The following FIGN variants were observed in gnomAD, a reference collection of about 807,000 sequenced individuals.
FIGN encodes the protein fidgetin, microtubule severing factor, also known as fidgetin.
FIGN carries 11 observed loss-of-function variants against 51.3 expected under a neutral mutation model. The ratio of observed to expected loss-of-function variants is 0.21; its 90% confidence interval spans 0.13 to 0.35. The LOEUF (loss-of-function observed/expected upper bound fraction) is 0.35, where lower values mean the gene tolerates loss of function less well. Among genes scored for constraint, FIGN ranks in the 10% least tolerant of loss-of-function variants. FIGN has a pLI of 1.00. For missense variants in FIGN, 857 were observed against 943.6 expected, an observed-to-expected ratio of 0.91 and a Z score of 1.20; for synonymous variants, 407 against 363.2, an observed-to-expected ratio of 1.12 and a Z score of -1.37.
intron 2 of FIGN, among the ~76,000 whole-genome samples, chr2:163,719,448 C>A (rs909333966): frequency 6.6e-6 from 1 of 152,140 alleles, no homozygotes. Context: ...AGCCCCACAG[C>A]CCAACCAACT....
chr2:163,706,085 A>T (rs968851586), intron 2 of FIGN, among the ~76,000 whole-genome samples: 2 of 152,166 alleles, frequency 1.3e-5, no homozygotes, highest in African/African-American at 2.4e-5. Context: ...GGCTCTGTGA[A>T]GCTCTATTCG....
chr2:163,642,867 T>C (rs952716865), intron 2 of FIGN, among the ~76,000 whole-genome samples: 1 of 152,128 alleles, frequency 6.6e-6, no homozygotes, highest in Non-Finnish European at 1.5e-5. Flanking sequence ...AACTACAAAA[T>C]GTTATTGAAA....
chr2:163,727,849 G>A (rs1684862268), intron 2 of FIGN, among the ~76,000 whole-genome samples: 1 of 152,126 alleles, frequency 6.6e-6, no homozygotes, highest in South Asian at 2.1e-4. Context: ...TCAGTTTTAG[G>A]TATCGCAATA....
chr2:163,714,479 A>G (rs780113682), intron 2 of FIGN, among the ~76,000 whole-genome samples: 11 of 152,214 alleles, frequency 7.2e-5, no homozygotes, highest in Non-Finnish European at 1.5e-4. Context: ...GCATATGTCC[A>G]TGAATTCCAC....
At chr2:163,718,073 G>A (rs569640398) in intron 2 of FIGN, among the ~76,000 whole-genome samples, 32 of 152,166 alleles carry the variant, frequency 2.1e-4, no homozygotes, top group African/African-American at 7.5e-4. Context: ...AGGGGGGAGA[G>A]TGTGTCAAGG....
At chr2:163,725,169 T>C (rs1386950370) in intron 2 of FIGN, among the ~76,000 whole-genome samples, 3 of 152,144 alleles carry the variant, frequency 2.0e-5, no homozygotes, top group African/African-American at 7.2e-5. Flanking sequence ...TCTCATGATC[T>C]AAGTATCATA....
intron 2 of FIGN, among the ~76,000 whole-genome samples, chr2:163,659,212 G>C (rs1257881137): frequency 6.6e-6 from 1 of 152,186 alleles, no homozygotes; most frequent in African/African-American, 2.4e-5. Context: ...TGAAAAACAA[G>C]ATGATGAAAA....
At chr2:163,671,322 C>T (rs1683871649) in intron 2 of FIGN, among the ~76,000 whole-genome samples, 1 of 152,090 alleles carries the variant, frequency 6.6e-6, no homozygotes, top group Non-Finnish European at 1.5e-5. Context: ...GCATACTAAC[C>T]ATTTAGGGAA....
At chr2:163,613,201 T>A (rs1287763943) in intron 2 of FIGN, among the ~76,000 whole-genome samples, 1 of 152,012 alleles carries the variant, frequency 6.6e-6, no homozygotes, top group Non-Finnish European at 1.5e-5. Flanking sequence ...TGCTGGCTCA[T>A]CTCAGTCTAA....
intron 2 of FIGN, among the ~76,000 whole-genome samples, chr2:163,707,113 C>T (rs552675040): frequency 5.9e-4 from 89 of 151,946 alleles, no homozygotes; most frequent in Non-Finnish European, 1.0e-3. Context: ...AGGAAGAAAA[C>T]AACCAAGCTT....
rs1028964323 is a variant in FIGN, at chr2:163,617,150, G to A, written c.26-5344C>T. 45 of 984,926 alleles carry A rather than the reference G, an allele frequency of 4.6e-5. No homozygotes were observed. The African/African-American group carries it at 6.8e-4, about 15-fold the overall frequency. 61.0% of individuals were successfully genotyped at this position (984,926 alleles called of 1,614,324 possible). ...TGGAAATTTCTTCAGCCCATTCCCC[G>A]ATCATTCTTGGCTTTAAAATATGGC... On this transcript the variant is annotated intron_variant, in intron 2 of 2. Coordinates refer to ENST00000333129, the MANE Select transcript of FIGN (RefSeq NM_018086.4).
chr2:163,642,841 A>G (rs1683324184), intron 2 of FIGN, among the ~76,000 whole-genome samples: 1 of 152,224 alleles, frequency 6.6e-6, no homozygotes, highest in Non-Finnish European at 1.5e-5. Context: ...ATTCAGTAAA[A>G]AACATATACT....
intron 2 of FIGN, among the ~76,000 whole-genome samples, chr2:163,682,391 C>A (rs1247053302): frequency 7.3e-6 from 1 of 137,380 alleles, no homozygotes; most frequent in East Asian, 2.5e-4. Context: ...TCCAGTAATC[C>A]AACACAACAA....
intron 2 of FIGN, among the ~76,000 whole-genome samples, chr2:163,692,569 T>A (rs1214975706): frequency 1.3e-5 from 2 of 152,190 alleles, no homozygotes; most frequent in Admixed American, 1.3e-4. Context: ...TATTATAGAT[T>A]TCTTTCTACT....
intron 2 of FIGN, among the ~76,000 whole-genome samples, chr2:163,698,630 T>C (rs1454489680): frequency 1.3e-5 from 2 of 152,144 alleles, no homozygotes; most frequent in Non-Finnish European, 2.9e-5. Flanking sequence ...ATCTAATTAA[T>C]GAAAGATGGT....
rs546811465 is a variant in FIGN at position 163,708,608 on chromosome 2, T to C, written c.25+26295A>G. 6.2e-4 allele frequency among the ~76,000 whole-genome samples: 95 copies of C among 152,270 alleles called. 1 individual carries two copies. Among genetic ancestry groups the C allele is most frequent in the African/African-American group, 2.3e-3 (94 of 41,552 alleles). ...TATGGGCTTCCAACTGGCATGTCAG[T>C]AGTAATTAAAATATTGTTTCTGTCT... On this transcript the variant is annotated intron_variant, in intron 2 of 2. Transcript: ENST00000333129.
intron 2 of FIGN, among the ~76,000 whole-genome samples, chr2:163,719,084 C>G (rs761117311): frequency 2.6e-5 from 4 of 151,966 alleles, no homozygotes; most frequent in Non-Finnish European, 2.9e-5. Context: ...GCAGAAGATA[C>G]GACAAGAGAA....
chr2:163,631,738 AT>A (rs1683148703), intron 2 of FIGN, among the ~76,000 whole-genome samples: 1 of 152,226 alleles, frequency 6.6e-6, no homozygotes. Flanking sequence ...AATCCATATC[AT>A]TAGAACAGGG....
At chr2:163,620,707 G>A (rs963792000) in intron 2 of FIGN, among the ~76,000 whole-genome samples, 4 of 151,882 alleles carry the variant, frequency 2.6e-5, no homozygotes, top group Admixed American at 6.6e-5. Context: ...CTGTTTTGCC[G>A]TACAAAATAT....
Sources: gnomAD v4.1 joint callset for allele counts (sites outside exome capture counted in the v4.1 genomes callset) on GRCh38, gnomAD v4.1.1 for gene constraint, MANE v1.5 for transcripts, NCBI Gene and HGNC (gene_info 2026-07-23, HGNC 2026-07-21) for gene names.